The following FBXO10 variants were observed in gnomAD, a reference collection of about 807,000 sequenced individuals.
FBXO10 encodes F-box protein 10, also known as F-box only protein 10.
In FBXO10, 39 loss-of-function variants were observed where a neutral mutation model predicts 80.7. The observed-to-expected ratio is 0.48, with a 90% confidence interval of 0.37 to 0.63. FBXO10 has a LOEUF of 0.63. Ranked by LOEUF, FBXO10 falls within the 30% of genes least tolerant of loss-of-function variation. The pLI is 0.00. For missense variants in FBXO10, 1,025 were observed against 1,269.0 expected, an observed-to-expected ratio of 0.81 and a Z score of 2.92; for synonymous variants, 449 against 489.6, an observed-to-expected ratio of 0.92 and a Z score of 1.09.
intron 1 of FBXO10, among the ~76,000 whole-genome samples, chr9:37,568,004 G>A (rs560210636): frequency 6.6e-6 from 1 of 152,186 alleles, no homozygotes; most frequent in South Asian, 2.1e-4. Flanking sequence ...CAAGGAATGG[G>A]GCAACTCAAA....
chr9:37,566,457 CG>C (rs71494671), intron 1 of FBXO10, among the ~76,000 whole-genome samples: 62,337 of 122,852 alleles, frequency 0.51, 14,933 homozygotes, highest in African/African-American at 0.56. Flanking sequence ...GACTCTGTCT[CG>C]GAAAAAAAAA....
chr9:37,537,505 T>G lies in FBXO10; in HGVS notation c.1024A>C (p.Ser342Arg). ...GTCTGGGCCACCCTTTCACCATCAC[T>G]ACCCACCTCTGCCTCCTGTGAGCCA... ...KAGSQEAEVGSDGERVAQTPD... is the reference protein window; with the variant it reads ...KAGSQEAEVGRDGERVAQTPD... Residue 342 changes from serine to arginine, a missense_variant, in exon 3 of 11, where the codon AGT (serine) becomes CGT (arginine). Physicochemically the swap from Ser to Arg is moderately radical, Grantham distance 110 (BLOSUM62 -1). This residue lies in a region of FBXO10 where 450 missense variants were observed against 499.4 expected (regional missense o/e 0.90). Coordinates refer to ENST00000432825, the MANE Select transcript of FBXO10 (RefSeq NM_012166.3). 6.2e-7 allele frequency: 1 copy of G among 1,611,782 alleles called. No homozygotes were observed. Among genetic ancestry groups the G allele is most frequent in the Admixed American group, 1.7e-5 (1 of 59,614 alleles).
rs535658311 is a variant in FBXO10 at position 37,529,026 on chromosome 9, T to C, written c.1706+98A>G. ...ATGATGAGTGAAGTCTCTTCTCTGCTTGCATCTGTACAGTTGTTTCCGTAA... is the reference window on the plus strand; with the variant it reads ...ATGATGAGTGAAGTCTCTTCTCTGCCTGCATCTGTACAGTTGTTTCCGTAA... On this transcript the variant is annotated intron_variant, in intron 5 of 10. Transcript: ENST00000432825. 48 of 1,487,484 alleles carry C rather than the reference T, an allele frequency of 3.2e-5. No individual in the cohort carries two copies. In the Admixed American group the frequency reaches 6.6e-4, roughly 20 times the overall value. The allele number at this position is 1,487,484 out of a possible 1,614,324, so 92.1% of individuals were successfully genotyped here. A position where few individuals can be genotyped will look rare whatever the true frequency, so the allele number is the denominator to read the frequency against.
chr9:37,540,323 G>C (rs187221200), intron 2 of FBXO10, among the ~76,000 whole-genome samples: 5 of 152,000 alleles, frequency 3.3e-5, no homozygotes, highest in Non-Finnish European at 7.4e-5. Context: ...GAGTAGCTGG[G>C]ATTACAGGCA....
chr9:37,557,082 C>T (rs183289476), intron 1 of FBXO10, among the ~76,000 whole-genome samples: 276 of 152,296 alleles, frequency 1.8e-3, no homozygotes, highest in African/African-American at 6.4e-3. Context: ...AGGGTGCCTA[C>T]ATTATTCCAA....
chr9:37,551,093 CAAG>C (rs1158819704), intron 1 of FBXO10, among the ~76,000 whole-genome samples: 1 of 152,174 alleles, frequency 6.6e-6, no homozygotes, highest in African/African-American at 2.4e-5. Flanking sequence ...GAGAAACAGA[CAAG>C]AAGAAAAAAG....
chr9:37,537,735 T>C lies in FBXO10; in HGVS notation c.794A>G (p.Asp265Gly). The C allele has an allele frequency of 6.2e-7, 1 of 1,614,034 alleles. No homozygotes were observed. Among genetic ancestry groups the C allele is most frequent in the Non-Finnish European group, 8.5e-7 (1 of 1,179,886 alleles). Residue 265 changes from aspartate (D) to glycine (G), a missense_variant, in exon 3 of 11, where the codon GAT (aspartate) becomes GGT (glycine). Asp to Gly is a moderately conservative substitution (Grantham distance 94, BLOSUM62 -1). Transcript: ENST00000432825. ...TAGATACTTGTAGGCCCAGTTCTTATCTGCAGATGGGTGACCCTCAACAGT... is the reference window on the plus strand; with the variant it reads ...TAGATACTTGTAGGCCCAGTTCTTACCTGCAGATGGGTGACCCTCAACAGT... ...SVTVEGHPSA[D>G]KNWAYKYLLG...
Position 37,553,783 on chromosome 9 carries a change from C to CTAATTTTT in FBXO10, c.-6-12010_-6-12009insAAAAATTA, listed in dbSNP as rs545875633. Reference sequence around the variant, plus strand: ...AAAAAAAATTAGCCAGGCGTGGTGGCACATGCCTGTAATCCCAGCTACTTA... The same window carrying CTAATTTTT: ...AAAAAAAATTAGCCAGGCGTGGTGGCTAATTTTTACATGCCTGTAATCCCAGCTACTTA... On this transcript the variant is annotated intron_variant, in intron 1 of 10. Coordinates refer to ENST00000432825, the MANE Select transcript of FBXO10 (RefSeq NM_012166.3). Among the ~76,000 whole-genome samples, 74 of 151,024 alleles carry CTAATTTTT rather than the reference C, an allele frequency of 4.9e-4. No homozygotes were observed. In the South Asian group the frequency reaches 0.015, roughly 30 times the overall value.
Position 37,531,910 on chromosome 9 carries a change from A to C in FBXO10, c.1568T>G (p.Leu523Arg). ...GAATAGGGAACGAACACAAAGTACC[A>C]GTATGAGTGGGTTGGACTTTTTCCG... ...DIRKKSNPLI[L>R]CNQIHHGLRS... is the part of the protein sequence containing the mutation. The change falls in exon 4 of 11, where the codon CTG becomes CGG. Residue 523 changes from leucine to arginine, a missense_variant and splice_region_variant. This residue lies in a region of FBXO10 where 478 missense variants were observed against 667.8 expected (regional missense o/e 0.72). Coordinates refer to ENST00000432825, the MANE Select transcript of FBXO10 (RefSeq NM_012166.3). 1 of 1,613,698 alleles carries C rather than the reference A, an allele frequency of 6.2e-7. No individual in the cohort carries two copies. The highest frequency in any genetic ancestry group is 8.5e-7 in the Non-Finnish European group (1 of 1,179,688).
chr9:37,512,730 G>T lies in FBXO10; in HGVS notation c.2697-9C>A. On this transcript the variant is annotated splice_polypyrimidine_tract_variant and intron_variant, in intron 10 of 10. Coordinates refer to ENST00000432825, the MANE Select transcript of FBXO10 (RefSeq NM_012166.3). Reference sequence around the variant, plus strand: ...GGCGCCACGTATCAGACCTGGAGGTGCAAAACGAAAGTCAGTGAACTTCTG... The same window carrying T: ...GGCGCCACGTATCAGACCTGGAGGTTCAAAACGAAAGTCAGTGAACTTCTG... 1 of 1,611,288 alleles carries T rather than the reference G, an allele frequency of 6.2e-7. No individual in the cohort carries two copies. Among genetic ancestry groups the T allele is most frequent in the Non-Finnish European group, 8.5e-7 (1 of 1,178,152 alleles).
chr9:37,552,449 C>G (rs1019489484), intron 1 of FBXO10, among the ~76,000 whole-genome samples: 1 of 151,982 alleles, frequency 6.6e-6, no homozygotes. Flanking sequence ...TTTGGGAGGC[C>G]GAGGCAGGAG....
intron 10 of FBXO10, 104 bp from the exon 11 acceptor site, chr9:37,512,825 G>T: frequency 1.7e-6 from 2 of 1,184,416 alleles, no homozygotes; most frequent in South Asian, 1.6e-5. Context: ...GGATCCAGGT[G>T]TTTAAATCTG....
intron 1 of FBXO10, among the ~76,000 whole-genome samples, chr9:37,572,725 A>G (rs1245393499): frequency 1.3e-5 from 2 of 152,198 alleles, no homozygotes; most frequent in African/African-American, 2.4e-5. Context: ...GGTACTGAGT[A>G]TTGGCAATGT....
At chr9:37,531,130 C>T (rs1340912184) in intron 4 of FBXO10, among the ~76,000 whole-genome samples, 2 of 152,100 alleles carry the variant, frequency 1.3e-5, no homozygotes, top group African/African-American at 4.8e-5. Context: ...GTTCTGTAAG[C>T]ATTAAATGAC....
intron 2 of FBXO10, among the ~76,000 whole-genome samples, chr9:37,540,183 A>G (rs1821874399): frequency 6.6e-6 from 1 of 151,544 alleles, no homozygotes; most frequent in Non-Finnish European, 1.5e-5. Flanking sequence ...TAAAAATCAT[A>G]TATATATGAT....
At chr9:37,513,066 A>C (rs1390020667) in intron 10 of FBXO10, among the ~76,000 whole-genome samples, 1 of 152,174 alleles carries the variant, frequency 6.6e-6, no homozygotes, top group Non-Finnish European at 1.5e-5. Context: ...CCTGGGCTCA[A>C]GTGATCCTCC....
At chr9:37,542,394 A>C (rs113554933) in intron 1 of FBXO10, among the ~76,000 whole-genome samples, 168 of 151,856 alleles carry the variant, frequency 1.1e-3, no homozygotes, top group African/African-American at 3.1e-3. Context: ...TTGGGAGTTC[A>C]AGACCAGCCT....
At chr9:37,544,501 G>A (rs1822002004) in intron 1 of FBXO10, among the ~76,000 whole-genome samples, 1 of 152,128 alleles carries the variant, frequency 6.6e-6, no homozygotes, top group Admixed American at 6.6e-5. Context: ...AGAGCCTTGG[G>A]TATCCTCTCA....
In FBXO10 at chr9:37,537,193, C is replaced by G; in HGVS notation, c.1336G>C (p.Val446Leu). The G allele has an allele frequency of 6.2e-7, 1 of 1,613,956 alleles. No individual in the cohort carries two copies. The highest frequency in any genetic ancestry group is 8.5e-7 in the Non-Finnish European group (1 of 1,179,904). ...ATCTTGGCTCTGCCGTGGGAGCAGA[C>G]GAAGACGCCTCCCTTCCCGTCCCGG... ...LFRDGKGGVF[V>L]CSHGRAKMEG... The change falls in exon 3 of 11, where the codon GTC becomes CTC. Residue 446 changes from valine (V) to leucine (L), a missense_variant. Val to Leu is a conservative substitution (Grantham distance 32, BLOSUM62 1). This residue lies in a region of FBXO10 where 478 missense variants were observed against 667.8 expected (regional missense o/e 0.72). Coordinates refer to ENST00000432825, the MANE Select transcript of FBXO10 (RefSeq NM_012166.3).
Sources: gnomAD v4.1 joint callset for allele counts (sites outside exome capture counted in the v4.1 genomes callset) on GRCh38, gnomAD v4.1.1 for gene constraint, gnomAD v4.1.1 regional missense constraint, MANE v1.5 for transcripts, NCBI Gene and HGNC (gene_info 2026-07-23, HGNC 2026-07-21) for gene names.